PTPRM: variants seen among roughly 807,000 people sequenced by gnomAD.
The protein encoded by PTPRM is receptor-type tyrosine-protein phosphatase mu.
Under a neutral mutation model 186.7 loss-of-function variants are expected in PTPRM, and 47 were observed. The observed-to-expected ratio is 0.25, with a 90% CI of 0.20 to 0.32. PTPRM has a LOEUF of 0.32. Ranked by LOEUF, PTPRM falls within the 10% of genes least tolerant of loss-of-function variation. The pLI is 1.00. For missense variants in PTPRM, 1,494 were observed against 1,865.0 expected (o/e 0.80, Z 3.66); for synonymous variants, 668 against 674.9 (o/e 0.99, Z 0.16).
intron 7 of PTPRM, among the ~76,000 whole-genome samples, chr18:7,998,704 G>A (rs2083690712): frequency 6.6e-6 from 1 of 151,974 alleles, no homozygotes; most frequent in Non-Finnish European, 1.5e-5. Context: ...GCCCAGGCTG[G>A]AGTGCAGTGG....
intron 32 of PTPRM, among the ~76,000 whole-genome samples, chr18:8,398,511 A>T (rs1449242819): frequency 1.3e-5 from 2 of 151,972 alleles, no homozygotes; most frequent in Non-Finnish European, 2.9e-5. Flanking sequence ...CACGCCTGTA[A>T]TCCCAGCACT....
chr18:8,043,906 A>AC (rs1182778647), intron 7 of PTPRM, among the ~76,000 whole-genome samples: 1 of 152,074 alleles, frequency 6.6e-6, no homozygotes, highest in Non-Finnish European at 1.5e-5. Flanking sequence ...TCCATGTGAA[A>AC]CCATCTGGGT....
chr18:7,682,544 A>G (rs746335614), intron 1 of PTPRM, among the ~76,000 whole-genome samples: 1 of 152,170 alleles, frequency 6.6e-6, no homozygotes, highest in African/African-American at 2.4e-5. Flanking sequence ...TAGGATTGGT[A>G]TGGTGTCTAC....
Position 7,685,324 on chromosome 18 carries a change from G to T in PTPRM, c.74-88825G>T, listed in dbSNP as rs931888391. ...TGGCTAATTTTATTTCATATTAAGGGATTTGTGGAAAGAAATTTTAACTAA... is the reference window on the plus strand; with the variant it reads ...TGGCTAATTTTATTTCATATTAAGGTATTTGTGGAAAGAAATTTTAACTAA... On this transcript the variant is annotated intron_variant, in intron 1 of 32. Coordinates refer to ENST00000580170, the MANE Select transcript of PTPRM (RefSeq NM_001105244.2). Among the ~76,000 whole-genome samples, 3 of 152,288 alleles carry T rather than the reference G, an allele frequency of 2.0e-5. No homozygotes were observed. The East Asian group carries it at 5.8e-4, about 29-fold the overall frequency.
At chr18:7,701,413 A>G (rs1215842863) in intron 1 of PTPRM, among the ~76,000 whole-genome samples, 1 of 151,794 alleles carries the variant, frequency 6.6e-6, no homozygotes, top group Non-Finnish European at 1.5e-5. Flanking sequence ...ATCTTGGCCA[A>G]CGTGGTGAAA....
chr18:8,337,710 A>G (rs148623105), intron 22 of PTPRM, among the ~76,000 whole-genome samples: 160 of 152,314 alleles, frequency 1.1e-3, no homozygotes, highest in Middle Eastern at 6.8e-3. Context: ...TGGACTGCTC[A>G]GCTGAAACCA....
chr18:7,935,948 G>A (rs1318528203), intron 5 of PTPRM, among the ~76,000 whole-genome samples: 1 of 152,158 alleles, frequency 6.6e-6, no homozygotes, highest in Non-Finnish European at 1.5e-5. Flanking sequence ...TGCTTCCTTT[G>A]GCCCTACAAA....
At chr18:7,836,579 T>G (rs1460671780) in intron 2 of PTPRM, among the ~76,000 whole-genome samples, 1 of 152,204 alleles carries the variant, frequency 6.6e-6, no homozygotes, top group African/African-American at 2.4e-5. Context: ...TCTGTGTACT[T>G]ACTATTACAA....
rs150441516 is a variant in PTPRM, at chr18:8,401,858, C to T, written c.4345-4251C>T. Among the ~76,000 whole-genome samples the T allele has an allele frequency of 7.5e-3, 1,139 of 152,338 alleles. 4 individuals are homozygous for T. The highest frequency in any genetic ancestry group is 0.013 in the Non-Finnish European group (868 of 68,034). On this transcript the variant is annotated intron_variant, in intron 32 of 32. Coordinates refer to ENST00000580170, the MANE Select transcript of PTPRM (RefSeq NM_001105244.2). ...CACTCATAGGTACAGGAAGTCTGATCGGGAGCGGGGCCAGCGTCAGGGACC... is the reference window on the plus strand; with the variant it reads ...CACTCATAGGTACAGGAAGTCTGATTGGGAGCGGGGCCAGCGTCAGGGACC...
At chr18:7,652,935 T>G (rs2038753022) in intron 1 of PTPRM, among the ~76,000 whole-genome samples, 1 of 151,986 alleles carries the variant, frequency 6.6e-6, no homozygotes, top group South Asian at 2.1e-4. Context: ...AAAGGGTTCA[T>G]GCCCCAAATA....
chr18:8,392,346 C>G (rs531492273), intron 31 of PTPRM, among the ~76,000 whole-genome samples: 1 of 151,968 alleles, frequency 6.6e-6, no homozygotes, highest in Admixed American at 6.6e-5. Context: ...GTCCCATGGC[C>G]GGGCGCGGTG....
intron 20 of PTPRM, among the ~76,000 whole-genome samples, chr18:8,297,396 A>T (rs1185335661): frequency 6.6e-6 from 1 of 152,152 alleles, no homozygotes; most frequent in East Asian, 1.9e-4. Context: ...TCTTTGCCTG[A>T]GTTCACATTT....
intron 2 of PTPRM, among the ~76,000 whole-genome samples, chr18:7,841,229 T>C (rs2046302985): frequency 6.6e-6 from 1 of 152,032 alleles, no homozygotes; most frequent in Non-Finnish European, 1.5e-5. Context: ...AGAATAGTTG[T>C]ATTTCTAACT....
At chr18:8,344,448 G>GTGTGTATATATATATATA (rs1360655194) in intron 23 of PTPRM, among the ~76,000 whole-genome samples, 18 of 33,418 alleles carry the variant, frequency 5.4e-4, no homozygotes, top group African/African-American at 1.3e-3. Context: ...GTGTGTGTGT[G>GTGTGTATATATATATATA]TATATATATA....
At chr18:8,185,605 C>T (rs765641460) in intron 14 of PTPRM, among the ~76,000 whole-genome samples, 1 of 152,262 alleles carries the variant, frequency 6.6e-6, no homozygotes, top group Non-Finnish European at 1.5e-5. Flanking sequence ...CTGTGGCCAC[C>T]GTACAGAGCG....
chr18:8,076,407 TTTAA>T, intron 8 of PTPRM, 44 bp from the exon 9 acceptor site: 5 of 1,157,582 alleles, frequency 4.3e-6, no homozygotes, highest in Non-Finnish European at 6.4e-6. Context: ...AAATCTACTT[TTTAA>T]TTGTTTATTA....
At chr18:8,197,145 A>G (rs910904489) in intron 14 of PTPRM, among the ~76,000 whole-genome samples, 1 of 152,226 alleles carries the variant, frequency 6.6e-6, no homozygotes, top group Non-Finnish European at 1.5e-5. Context: ...AGTGAACAGC[A>G]GGGCATTAAA....
Position 7,579,709 on chromosome 18 carries a change from A to G in PTPRM, c.73+11818A>G, listed in dbSNP as rs191550231. The stretch of plus-strand genomic sequence containing the variant: ...TGATTTTAGATCTCTAAATTTGCCA[A>G]TTTGAGCTGCATTTTGAGATGACTC... On this transcript the variant is annotated intron_variant, in intron 1 of 32. Transcript: ENST00000580170. Among the ~76,000 whole-genome samples, 164 of 152,336 alleles carry G rather than the reference A, an allele frequency of 1.1e-3. 1 individual carries two copies. The highest frequency in any genetic ancestry group is 1.1e-3 in the Non-Finnish European group (74 of 68,030).
chr18:8,305,043 A>T (rs1219293290), intron 20 of PTPRM, among the ~76,000 whole-genome samples: 3 of 152,162 alleles, frequency 2.0e-5, no homozygotes, highest in African/African-American at 7.2e-5. Context: ...TGATTATTTC[A>T]TGTAAATAGA....
Sources: allele counts gnomAD v4.1 joint callset (sites outside exome capture counted in the v4.1 genomes callset), GRCh38; gene constraint gnomAD v4.1.1; transcripts MANE v1.5; gene names NCBI Gene and HGNC (gene_info 2026-07-23, HGNC 2026-07-21).